LMBRD1: variants seen among roughly 807,000 people sequenced by gnomAD.
LMBRD1 encodes the protein lysosomal cobalamin transport escort protein LMBD1.
A neutral mutation model predicts 74.8 loss-of-function variants in LMBRD1; 64 were observed. The ratio of observed to expected loss-of-function variants is 0.86; its 90% CI spans 0.70 to 1.05. The LOEUF is 1.05. Ranked by LOEUF, LMBRD1 falls within the 50% of genes least tolerant of loss-of-function variation. LMBRD1 has a pLI of 0.00. For missense variants in LMBRD1, 652 were observed against 645.9 expected, an observed-to-expected ratio of 1.01 and a Z score of -0.10; for synonymous variants, 204 against 216.3, an observed-to-expected ratio of 0.94 and a Z score of 0.50.
intron 6 of LMBRD1, among the ~76,000 whole-genome samples, chr6:69,739,623 C>A (rs1767053685): frequency 6.6e-6 from 1 of 152,080 alleles, no homozygotes. Flanking sequence ...ACTAATATAA[C>A]TAATATATAG....
At chr6:69,682,283 C>T (rs1457494) in intron 14 of LMBRD1, among the ~76,000 whole-genome samples, 54,599 of 151,548 alleles carry the variant, frequency 0.36, 10,410 homozygotes, top group East Asian at 0.54. Flanking sequence ...TCAAAACTCA[C>T]AGAAATTTTG....
intron 7 of LMBRD1, among the ~76,000 whole-genome samples, chr6:69,736,474 A>G (rs989008550): frequency 6.6e-6 from 1 of 152,154 alleles, no homozygotes; most frequent in African/African-American, 2.4e-5. Context: ...GGCTACTGCT[A>G]TTGCTGTGAG....
intron 15 of LMBRD1, 42 bp from the exon 16 acceptor site, chr6:69,676,313 A>G: frequency 1.3e-6 from 2 of 1,597,944 alleles, no homozygotes; most frequent in Middle Eastern, 1.7e-4. Context: ...TCAAATTTAA[A>G]ATCATCTGGA....
chr6:69,747,802 G>A (rs929299537), intron 5 of LMBRD1, among the ~76,000 whole-genome samples: 7 of 152,158 alleles, frequency 4.6e-5, no homozygotes, highest in African/African-American at 1.7e-4. Flanking sequence ...GTTAAATCTA[G>A]ATCACGGCTT....
chr6:69,701,519 C>A lies in LMBRD1; in HGVS notation c.1007G>T (p.Gly336Val), dbSNP rs1766129801. ...SNLDKALHSA[G>V]IDSGFIIFGA... Reference sequence around the variant, plus strand: ...AAAAATTATGAAACCAGAATCTATTCCAGCTGAATGAAGAGCTTTATCTAA... The same window carrying A: ...AAAAATTATGAAACCAGAATCTATTACAGCTGAATGAAGAGCTTTATCTAA... The change falls in exon 11 of 16, where the codon GGA becomes GTA. Residue 336 changes from glycine to valine, a missense_variant. Gly to Val is a moderately radical substitution (Grantham distance 109, BLOSUM62 -3). Coordinates refer to ENST00000649934, the MANE Select transcript of LMBRD1 (RefSeq NM_018368.4). The A allele has an allele frequency of 8.7e-6, 14 of 1,604,660 alleles. No homozygotes were observed. Among genetic ancestry groups the A allele is most frequent in the Non-Finnish European group, 1.0e-5 (12 of 1,173,376 alleles).
chr6:69,687,023 T>C (rs568474077), intron 14 of LMBRD1, among the ~76,000 whole-genome samples: 1 of 152,306 alleles, frequency 6.6e-6, no homozygotes, highest in African/African-American at 2.4e-5. Context: ...AACACAGTAG[T>C]CAGAGTGATC....
chr6:69,732,146 C>G (rs1011612617), intron 7 of LMBRD1, among the ~76,000 whole-genome samples: 1 of 152,080 alleles, frequency 6.6e-6, no homozygotes, highest in African/African-American at 2.4e-5. Flanking sequence ...TTATTGAGAA[C>G]CACTGCTGTG....
At chr6:69,706,761 G>A (rs1362684282) in intron 9 of LMBRD1, among the ~76,000 whole-genome samples, 2 of 152,098 alleles carry the variant, frequency 1.3e-5, no homozygotes, top group Non-Finnish European at 2.9e-5. Context: ...TGGCTGCTGT[G>A]CTAACTGGTA....
chr6:69,741,997 G>T (rs1159323652), intron 5 of LMBRD1, 120 bp from the exon 6 acceptor site: 1 of 623,104 alleles, frequency 1.6e-6, no homozygotes, highest in East Asian at 2.8e-5. Context: ...ACTATGCACA[G>T]AGGGGAGTGA....
intron 8 of LMBRD1, among the ~76,000 whole-genome samples, chr6:69,717,541 T>C (rs1252191242): frequency 2.0e-5 from 3 of 152,234 alleles, no homozygotes; most frequent in Non-Finnish European, 4.4e-5. Flanking sequence ...CTCTGACATC[T>C]ACTAAGATGT....
At chr6:69,683,017 T>TAG (rs1194744808) in intron 14 of LMBRD1, among the ~76,000 whole-genome samples, 1 of 152,022 alleles carries the variant, frequency 6.6e-6, no homozygotes, top group Non-Finnish European at 1.5e-5. Context: ...GGCTTTGGTG[T>TAG]AGATACTGGA....
intron 11 of LMBRD1, 57 bp from the exon 12 acceptor site, chr6:69,700,926 CATATAAA>C: frequency 9.3e-7 from 1 of 1,071,196 alleles, no homozygotes; most frequent in South Asian, 1.8e-5. Context: ...CTCTAACAGT[CATATAAA>C]ATAAGCTAAA....
At chr6:69,775,005 G>A (rs1184083714) in intron 3 of LMBRD1, among the ~76,000 whole-genome samples, 9 of 57,840 alleles carry the variant, frequency 1.6e-4, no homozygotes, top group Non-Finnish European at 2.1e-4. Context: ...GAGGGAGGGA[G>A]GGAGGGAGGG....
At chr6:69,691,875 CAAAAAAAA>C (rs34100007) in intron 14 of LMBRD1, among the ~76,000 whole-genome samples, 1 of 65,114 alleles carries the variant, frequency 1.5e-5, no homozygotes, top group Non-Finnish European at 2.8e-5. Context: ...GACTCCGTCT[CAAAAAAAA>C]AAAAAAAAAA....
chr6:69,741,681 G>A (rs933014346), intron 6 of LMBRD1, 108 bp downstream of exon 6: 28 of 575,272 alleles, frequency 4.9e-5, no homozygotes, highest in Non-Finnish European at 6.8e-5. Flanking sequence ...GAGCCACCAC[G>A]CCCAGCTGGG....
At chr6:69,742,879 G>A (rs1428887427) in intron 5 of LMBRD1, among the ~76,000 whole-genome samples, 1 of 151,954 alleles carries the variant, frequency 6.6e-6, no homozygotes, top group East Asian at 1.9e-4. Context: ...AGCATGTCAG[G>A]GGGTTACTTA....
Position 69,701,518 on chromosome 6 carries a change from T to C in LMBRD1, c.1008A>G (p.Gly336=), listed in dbSNP as rs1766129690. ...SNLDKALHSA[G]IDSGFIIFGA... ...CAAAAATTATGAAACCAGAATCTAT[T>C]CCAGCTGAATGAAGAGCTTTATCTA... is the stretch of plus-strand genomic sequence containing the variant. The change falls in exon 11 of 16, where the codon GGA becomes GGG. Residue 336 remains glycine (G), a synonymous_variant. Transcript: ENST00000649934. The C allele has an allele frequency of 8.1e-6, 13 of 1,605,020 alleles. No homozygotes were observed. The highest frequency in any genetic ancestry group is 1.1e-5 in the Non-Finnish European group (13 of 1,173,486).
chr6:69,718,245 T>A (rs2149855951), intron 8 of LMBRD1, among the ~76,000 whole-genome samples: 1 of 152,228 alleles, frequency 6.6e-6, no homozygotes, highest in Admixed American at 6.5e-5. Context: ...AATCTTTAGC[T>A]TATTCAACTA....
intron 14 of LMBRD1, among the ~76,000 whole-genome samples, chr6:69,686,603 CT>C (rs1163986991): frequency 6.8e-6 from 1 of 146,274 alleles, no homozygotes; most frequent in Non-Finnish European, 1.5e-5. Flanking sequence ...GGCATCACCC[CT>C]GACTCCCTTC....
Sources: allele counts gnomAD v4.1 joint callset (sites outside exome capture counted in the v4.1 genomes callset), GRCh38; gene constraint gnomAD v4.1.1; transcripts MANE v1.5; gene names NCBI Gene and HGNC (gene_info 2026-07-23, HGNC 2026-07-21).